The following MARCHF10 variants were observed in gnomAD, a reference collection of about 807,000 sequenced individuals.
The protein encoded by MARCHF10 is membrane associated ring-CH-type finger 10.
Under a neutral mutation model 76.2 loss-of-function variants are expected in MARCHF10, and 64 were observed. The observed-to-expected ratio is 0.84, with a 90% CI of 0.69 to 1.03. The LOEUF (loss-of-function observed/expected upper bound fraction) is 1.03. Among genes scored for constraint, MARCHF10 ranks in the 50% least tolerant of loss-of-function variants. The pLI is 0.00. For missense variants in MARCHF10, 875 were observed against 958.0 expected (o/e 0.91, Z 1.14); for synonymous variants, 340 against 357.5 (o/e 0.95, Z 0.55).
At chr17:62,744,753 T>A (rs2091641045) in intron 4 of MARCHF10, among the ~76,000 whole-genome samples, 1 of 152,102 alleles carries the variant, frequency 6.6e-6, no homozygotes, top group African/African-American at 2.4e-5. Context: ...TCAGTTTCCC[T>A]ACCTGCTACA....
chr17:62,731,776 A>G (rs1163786369), intron 6 of MARCHF10, among the ~76,000 whole-genome samples: 3 of 152,200 alleles, frequency 2.0e-5, no homozygotes, highest in African/African-American at 7.2e-5. Context: ...GTAATTAGTT[A>G]TGCATGTGTT....
intron 9 of MARCHF10, among the ~76,000 whole-genome samples, chr17:62,709,399 C>T (rs538418601): frequency 3.9e-5 from 6 of 152,164 alleles, no homozygotes; most frequent in East Asian, 1.9e-4. Context: ...CACTGGAACC[C>T]GGGAGGCAGA....
intron 5 of MARCHF10, among the ~76,000 whole-genome samples, chr17:62,744,032 T>G (rs542487939): frequency 7.9e-5 from 12 of 152,048 alleles, no homozygotes; most frequent in Admixed American, 6.6e-4. Flanking sequence ...CCCCAACCCC[T>G]GCCATCTACC....
intron 3 of MARCHF10, among the ~76,000 whole-genome samples, chr17:62,780,083 C>T (rs913625161): frequency 1.3e-4 from 19 of 150,060 alleles, no homozygotes; most frequent in South Asian, 4.2e-4. Context: ...GGTGACAGAG[C>T]GAGACTCGGT....
At chr17:62,805,199 T>C (rs941951252) in intron 1 of MARCHF10, among the ~76,000 whole-genome samples, 1 of 152,210 alleles carries the variant, frequency 6.6e-6, no homozygotes, top group South Asian at 2.1e-4. Context: ...CTAAGCATTT[T>C]AATAATCACT....
At position 62,736,893 on chromosome 17, in the gene MARCHF10, A is replaced by T; in HGVS notation, c.975T>A (p.Pro325=). The T allele has an allele frequency of 6.2e-7, 1 of 1,613,950 alleles. No homozygotes were observed. Among genetic ancestry groups the T allele is most frequent in the Non-Finnish European group, 8.5e-7 (1 of 1,179,940 alleles). The change falls in exon 6 of 11, where the codon CCT becomes CCA. Residue 325 remains proline (P), a synonymous_variant. Coordinates refer to ENST00000311269, the MANE Select transcript of MARCHF10 (RefSeq NM_152598.4). ...CTTCAAAATTTTTATTTTTGGCCTG[A>T]GGGGTCGATGTCCCCCCAAATCTAC... ...KRSRFGGTST[P]QAKNKNFEEN...
intron 6 of MARCHF10, chr17:62,726,078 C>T (rs369459849): frequency 6.6e-6 from 1 of 152,232 alleles, no homozygotes; most frequent in East Asian, 1.9e-4. Flanking sequence ...TAACACCACA[C>T]ATGCCAACAA....
At chr17:62,718,108 A>G (rs2090311286) in intron 8 of MARCHF10, among the ~76,000 whole-genome samples, 1 of 152,128 alleles carries the variant, frequency 6.6e-6, no homozygotes. Flanking sequence ...CACTCTGTCT[A>G]TGAGGTGATG....
intron 6 of MARCHF10, among the ~76,000 whole-genome samples, chr17:62,725,727 T>C (rs997162454): frequency 2.6e-5 from 4 of 152,122 alleles, no homozygotes; most frequent in Non-Finnish European, 5.9e-5. Flanking sequence ...TGCCAGGAAG[T>C]TGGTGGGGGT....
chr17:62,782,386 C>A (rs1240595512), intron 3 of MARCHF10, among the ~76,000 whole-genome samples: 1 of 129,068 alleles, frequency 7.7e-6, no homozygotes, highest in Non-Finnish European at 1.5e-5. Context: ...CTCGCTCTGT[C>A]GCCCAGGGTG....
Position 62,711,973 on chromosome 17 carries a change from G to T in MARCHF10, c.2215-629C>A, listed in dbSNP as rs750587039. Among the ~76,000 whole-genome samples, 3 of 151,954 alleles carry T rather than the reference G, an allele frequency of 2.0e-5. No homozygotes were observed. On this transcript the variant is annotated intron_variant, in intron 8 of 10. Coordinates refer to ENST00000311269, the MANE Select transcript of MARCHF10 (RefSeq NM_152598.4). The surrounding 1 kb of genome is among the most constrained non-coding windows in gnomAD (Gnocchi z 4.4). ...AGGAGTGGGCTGTGCTTTTTTTCTC[G>T]CTGGTGCTCAGAACAGGCGCTACAC...
At chr17:62,805,183 T>G (rs1392822052) in intron 1 of MARCHF10, 1 of 152,238 alleles carries the variant, frequency 6.6e-6, no homozygotes, top group Non-Finnish European at 1.5e-5. Context: ...AACATACATT[T>G]TGTCTCTAAG....
intron 3 of MARCHF10, among the ~76,000 whole-genome samples, chr17:62,763,856 C>A (rs2092267552): frequency 6.6e-6 from 1 of 152,142 alleles, no homozygotes; most frequent in Admixed American, 6.5e-5. Flanking sequence ...TCTTGAGAAT[C>A]GTCATTTTTG....
chr17:62,776,698 A>G (rs1273529064), intron 3 of MARCHF10, among the ~76,000 whole-genome samples: 1 of 152,170 alleles, frequency 6.6e-6, no homozygotes, highest in Non-Finnish European at 1.5e-5. Flanking sequence ...CAGTCTGGTG[A>G]GTTATCTGGC....
chr17:62,730,838 G>A (rs917276400), intron 6 of MARCHF10, among the ~76,000 whole-genome samples: 1 of 152,078 alleles, frequency 6.6e-6, no homozygotes, highest in African/African-American at 2.4e-5. Context: ...AGCTTGCAGT[G>A]AGCCAGGATC....
chr17:62,711,090 G>A lies in MARCHF10; in HGVS notation c.2328+141C>T. ...GTCACCATGTGTACACTTAGCAGCT[G>A]CTAAATCTTAGTCCTAACAATGATA... On this transcript the variant is annotated intron_variant, in intron 9 of 10. Transcript: ENST00000311269. The surrounding 1 kb of genome is among the most constrained non-coding windows in gnomAD (Gnocchi z 4.4). 1.5e-6 allele frequency: 1 copy of A among 666,166 alleles called. No homozygotes were observed. The highest frequency in any genetic ancestry group is 2.6e-6 in the Non-Finnish European group (1 of 377,746). 41.3% of individuals were successfully genotyped at this position (666,166 alleles called of 1,614,324 possible).
chr17:62,747,036 A>G (rs1358920471), intron 4 of MARCHF10: 2 of 1,243,026 alleles, frequency 1.6e-6, no homozygotes, highest in African/African-American at 3.0e-5. Flanking sequence ...GTGTTTAAAT[A>G]TTCTAAAATT....
At chr17:62,754,852 T>C (rs2091995085) in intron 4 of MARCHF10, among the ~76,000 whole-genome samples, 2 of 152,240 alleles carry the variant, frequency 1.3e-5, no homozygotes, top group Admixed American at 6.5e-5. Flanking sequence ...ACCATTAATC[T>C]GGCCTTTCAG....
chr17:62,784,930 A>G (rs964489460), intron 3 of MARCHF10, among the ~76,000 whole-genome samples: 1 of 152,156 alleles, frequency 6.6e-6, no homozygotes, highest in Non-Finnish European at 1.5e-5. Context: ...AATCAATATC[A>G]TGAAAATTGG....
Sources: allele counts gnomAD v4.1 joint callset (sites outside exome capture counted in the v4.1 genomes callset), GRCh38; gene constraint gnomAD v4.1.1; non-coding constraint Gnocchi (gnomAD v3.1); transcripts MANE v1.5; gene names NCBI Gene and HGNC (gene_info 2026-07-23, HGNC 2026-07-21).